The following CCDC88C variants were observed in gnomAD, a reference collection of about 807,000 sequenced individuals.
CCDC88C encodes the protein protein Daple.
A neutral mutation model predicts 198.8 loss-of-function variants in CCDC88C; 131 were observed. The ratio of observed to expected loss-of-function variants is 0.66; its 90% CI spans 0.57 to 0.76. The LOEUF (loss-of-function observed/expected upper bound fraction) is 0.76, where lower values mean the gene tolerates loss of function less well. Among genes scored for constraint, CCDC88C ranks in the 30% least tolerant of loss-of-function variants. The probability of loss-of-function intolerance (pLI) is 0.00; values close to 1 mark genes in which losing one functional copy is unlikely to be tolerated. For synonymous variants in CCDC88C, 1,166 were observed against 1,114.7 expected, an observed-to-expected ratio of 1.05 and a Z score of -0.92; for missense variants, 2,553 against 2,631.6, an observed-to-expected ratio of 0.97 and a Z score of 0.65.
chr14:91,379,479 AC>A (rs1288096712), intron 3 of CCDC88C: 4 of 317,700 alleles, frequency 1.3e-5, no homozygotes, highest in Non-Finnish European at 1.2e-5. Context: ...GGCCTTGGCC[AC>A]CCGGGGCAGC....
chr14:91,312,458 G>A (rs759291725), intron 15 of CCDC88C, among the ~76,000 whole-genome samples: 15 of 152,164 alleles, frequency 9.9e-5, no homozygotes, highest in Non-Finnish European at 1.5e-4. Context: ...CGAGGCGGGT[G>A]GGTCACCTGA....
At chr14:91,336,316 G>A (rs1341321500) in intron 10 of CCDC88C, among the ~76,000 whole-genome samples, 1 of 152,178 alleles carries the variant, frequency 6.6e-6, no homozygotes, top group Non-Finnish European at 1.5e-5. Flanking sequence ...GACTGAGCGA[G>A]GATGCTCCCA....
rs1893146927 is a variant in CCDC88C, at chr14:91,338,350, C to T, written c.891+139G>A. The T allele has an allele frequency of 1.0e-6, 1 of 955,640 alleles. No individual in the cohort carries two copies. The highest frequency in any genetic ancestry group is 1.6e-6 in the Non-Finnish European group (1 of 627,728). The allele number at this position is 955,640 out of a possible 1,614,324, so 59.2% of individuals were successfully genotyped here. A position where few individuals can be genotyped will look rare whatever the true frequency, so the allele number is the denominator to read the frequency against. On this transcript the variant is annotated intron_variant, in intron 9 of 29. Coordinates refer to ENST00000389857, the MANE Select transcript of CCDC88C (RefSeq NM_001080414.4). This position sits in a 1 kb window ranked among gnomAD's most constrained non-coding sequence, Gnocchi z 4.8. ...TGCTGTCACTAAGAAACAGGGTCAT[C>T]CCCATAGCCGTGCTCAGGACAAGTG...
chr14:91,335,578 C>T (rs1346792800), intron 10 of CCDC88C, among the ~76,000 whole-genome samples: 1 of 152,150 alleles, frequency 6.6e-6, no homozygotes, highest in East Asian at 1.9e-4. Flanking sequence ...CTGTGACCCC[C>T]AGCACAGCAC....
At position 91,321,236 on chromosome 14, in the gene CCDC88C, C is replaced by T. The variant is rs1166234179; in HGVS notation, c.1411G>A (p.Glu471Lys). The change falls in exon 13 of 30, where the codon GAG becomes AAG. Residue 471 changes from glutamate (E) to lysine (K), a missense_variant. Glu to Lys is a moderately conservative substitution (Grantham distance 56). This residue lies in a region of CCDC88C where 1,260 missense variants were observed against 1,412.0 expected (regional missense o/e 0.89). Transcript: ENST00000389857. ...ASSRILKLEK[E>K]NQSLQSTIQG... ...ATGGTGCTCTGGAGGCTCTGATTCT[C>T]CTTCTCCAGCTTCAGGATGCGGCTG... 1 of 1,601,162 alleles carries T rather than the reference C, an allele frequency of 6.2e-7. No individual in the cohort carries two copies. The highest frequency in any genetic ancestry group is 1.7e-5 in the Admixed American group (1 of 58,412).
intron 4 of CCDC88C, among the ~76,000 whole-genome samples, chr14:91,345,238 G>A (rs1893497500): frequency 7.9e-6 from 1 of 126,666 alleles, no homozygotes; most frequent in Non-Finnish European, 1.6e-5. Flanking sequence ...TGTCACCCAG[G>A]CTGGAGTGCA....
At chr14:91,356,333 G>C (rs1432546358) in intron 4 of CCDC88C, among the ~76,000 whole-genome samples, 1 of 152,276 alleles carries the variant, frequency 6.6e-6, no homozygotes, top group East Asian at 1.9e-4. Context: ...GTTGCCCTCT[G>C]TGTGCAGCCT....
rs1283389894 is a variant in CCDC88C, at chr14:91,338,007, C to T, written c.1048G>A (p.Glu350Lys). ...GGCCTCACAGCAAGGCTCCCTACCT[C>T]CATGCGGGCCTTGTAGAAGTCCACG... ...HDVDFYKARM[E>K]ELREDNIILI... Residue 350 changes from glutamate to lysine, a missense_variant and splice_region_variant, in exon 10 of 30, where the codon GAG becomes AAG. Physicochemically the swap from Glu to Lys is moderately conservative, Grantham distance 56 (BLOSUM62 1). Transcript: ENST00000389857. The surrounding 1 kb of genome is among the most constrained non-coding windows in gnomAD (Gnocchi z 4.8). 6.2e-7 allele frequency: 1 copy of T among 1,610,862 alleles called. No homozygotes were observed. Among genetic ancestry groups the T allele is most frequent in the Non-Finnish European group, 8.5e-7 (1 of 1,179,878 alleles).
At chr14:91,377,036 T>C (rs574758063) in intron 3 of CCDC88C, among the ~76,000 whole-genome samples, 103 of 141,266 alleles carry the variant, frequency 7.3e-4, no homozygotes, top group Non-Finnish European at 1.3e-3. Flanking sequence ...TCTCACCCTG[T>C]GTCCACTGAG....
chr14:91,292,484 C>A (rs1365378996), intron 23 of CCDC88C, among the ~76,000 whole-genome samples: 8 of 152,228 alleles, frequency 5.3e-5, no homozygotes, highest in Admixed American at 5.2e-4. Flanking sequence ...TTCCACCCCA[C>A]AATTACAGTG....
intron 5 of CCDC88C, 53 bp from the exon 6 acceptor site, chr14:91,342,516 T>C: frequency 8.8e-6 from 10 of 1,137,404 alleles, no homozygotes; most frequent in Non-Finnish European, 1.3e-5. Context: ...AGGGTGAAGC[T>C]GAGTCCACCA....
Position 91,321,232 on chromosome 14 carries a change from T to C in CCDC88C, c.1415A>G (p.Asn472Ser). ...CTGGATGGTGCTCTGGAGGCTCTGA[T>C]TCTCCTTCTCCAGCTTCAGGATGCG... is the stretch of plus-strand genomic sequence containing the variant. ...SSRILKLEKENQSLQSTIQGL... is the reference protein window; with the variant it reads ...SSRILKLEKESQSLQSTIQGL... The change falls in exon 13 of 30, where the codon AAT becomes AGT. Residue 472 changes from asparagine to serine, a missense_variant. Asn to Ser is a conservative substitution (Grantham distance 46). Coordinates refer to ENST00000389857, the MANE Select transcript of CCDC88C (RefSeq NM_001080414.4). The C allele has an allele frequency of 1.2e-6, 2 of 1,602,720 alleles. No homozygotes were observed. Among genetic ancestry groups the C allele is most frequent in the African/African-American group, 1.3e-5 (1 of 74,776 alleles).
intron 15 of CCDC88C, among the ~76,000 whole-genome samples, chr14:91,311,822 T>C (rs919179085): frequency 6.6e-6 from 1 of 152,320 alleles, no homozygotes; most frequent in East Asian, 1.9e-4. Flanking sequence ...TTCACACTCT[T>C]TGACCCTGTA....
At chr14:91,300,961 C>A (rs1042439790) in intron 20 of CCDC88C, among the ~76,000 whole-genome samples, 2 of 152,164 alleles carry the variant, frequency 1.3e-5, no homozygotes, top group Non-Finnish European at 2.9e-5. Flanking sequence ...GTCTCACACC[C>A]AAAGACAATC....
At chr14:91,306,709 G>A (rs571149827) in intron 18 of CCDC88C, among the ~76,000 whole-genome samples, 12 of 152,316 alleles carry the variant, frequency 7.9e-5, no homozygotes, top group African/African-American at 2.6e-4. Flanking sequence ...TCTAAACAAT[G>A]GGCATGACTG....
intron 1 of CCDC88C, 199 bp from the exon 2 acceptor site, chr14:91,417,037 G>A (rs1353657977): frequency 2.9e-6 from 2 of 698,540 alleles, no homozygotes; most frequent in African/African-American, 3.5e-5. Flanking sequence ...CAACAGACAC[G>A]AGACAGGAGG....
At chr14:91,402,078 C>A (rs879495915) in intron 3 of CCDC88C, among the ~76,000 whole-genome samples, 4 of 152,024 alleles carry the variant, frequency 2.6e-5, no homozygotes, top group African/African-American at 4.8e-5. Flanking sequence ...AGTTTGAGAC[C>A]AGCCTGGTCA....
At chr14:91,416,462 G>A (rs1279729328) in intron 2 of CCDC88C, among the ~76,000 whole-genome samples, 1 of 151,924 alleles carries the variant, frequency 6.6e-6, no homozygotes, top group Non-Finnish European at 1.5e-5. Context: ...AAGTCCTTGA[G>A]TCTGAAGTCA....
At chr14:91,368,493 A>T (rs1894641674) in intron 3 of CCDC88C, among the ~76,000 whole-genome samples, 1 of 152,236 alleles carries the variant, frequency 6.6e-6, no homozygotes, top group African/African-American at 2.4e-5. Flanking sequence ...CAATAGTTTT[A>T]TGAGCAAACT....
Sources: gnomAD v4.1 joint callset for allele counts (sites outside exome capture counted in the v4.1 genomes callset) on GRCh38, gnomAD v4.1.1 for gene constraint, gnomAD v4.1.1 regional missense constraint, Gnocchi (gnomAD v3.1) non-coding constraint, MANE v1.5 for transcripts, NCBI Gene and HGNC (gene_info 2026-07-23, HGNC 2026-07-21) for gene names.